The following DCAKD variants were observed in gnomAD, a reference collection of about 807,000 sequenced individuals.
DCAKD encodes the protein dephospho-CoA kinase domain-containing protein.
Under a neutral mutation model 18.7 loss-of-function variants are expected in DCAKD, and 15 were observed. That is an observed-to-expected ratio of 0.80 (90% confidence interval 0.54 to 1.24). The LOEUF (loss-of-function observed/expected upper bound fraction) is 1.24, where lower values mean the gene tolerates loss of function less well. DCAKD is among the 50% of genes most tolerant of loss of function. DCAKD has a pLI of 0.00. For missense variants in DCAKD, 301 were observed against 322.0 expected, an observed-to-expected ratio of 0.93 and a Z score of 0.50; for synonymous variants, 130 against 133.0, an observed-to-expected ratio of 0.98 and a Z score of 0.16.
chr17:45,059,949 C>T (rs536326073), intron 1 of DCAKD, among the ~76,000 whole-genome samples: 2 of 151,794 alleles, frequency 1.3e-5, no homozygotes, highest in East Asian at 3.9e-4. Flanking sequence ...ACTAAAAATA[C>T]AAAAATTAGC....
At chr17:45,028,971 C>T (rs1294858619) in intron 4 of DCAKD, among the ~76,000 whole-genome samples, 4 of 152,224 alleles carry the variant, frequency 2.6e-5, no homozygotes, top group Admixed American at 6.5e-5. Context: ...TCCCAAAGTG[C>T]TGGGATTACA....
chr17:45,050,186 A>G (rs979905559), intron 1 of DCAKD, among the ~76,000 whole-genome samples: 9 of 151,806 alleles, frequency 5.9e-5, no homozygotes, highest in Non-Finnish European at 1.2e-4. Flanking sequence ...GACTACAGGC[A>G]TGCACCACCA....
intron 1 of DCAKD, among the ~76,000 whole-genome samples, chr17:45,049,885 A>C (rs2053654477): frequency 6.6e-6 from 1 of 151,516 alleles, no homozygotes; most frequent in Non-Finnish European, 1.5e-5. Flanking sequence ...ACACCCAGCT[A>C]ATTTTTTTGT....
chr17:45,034,588 G>T (rs2143236165), intron 2 of DCAKD, among the ~76,000 whole-genome samples, 186 bp downstream of exon 2: 1 of 152,282 alleles, frequency 6.6e-6, no homozygotes, highest in East Asian at 1.9e-4. Context: ...GGGTACAGCT[G>T]GGGGGTTTCT....
intron 3 of DCAKD, chr17:45,032,068 A>G (rs1325585020): frequency 1.0e-6 from 1 of 985,270 alleles, no homozygotes; most frequent in Non-Finnish European, 1.2e-6. Context: ...CCGATGTTTA[A>G]TTTCAGAAGG....
At chr17:45,046,259 T>G (rs2053563913) in intron 1 of DCAKD, among the ~76,000 whole-genome samples, 1 of 152,142 alleles carries the variant, frequency 6.6e-6, no homozygotes, top group East Asian at 1.9e-4. Flanking sequence ...AAGGTGAGCT[T>G]CCCAGCAGGC....
intron 3 of DCAKD, among the ~76,000 whole-genome samples, chr17:45,032,809 C>T (rs769468227): frequency 2.0e-5 from 3 of 152,022 alleles, no homozygotes; most frequent in Non-Finnish European, 4.4e-5. Context: ...CCCCTATACC[C>T]TCGTGGAAGG....
intron 4 of DCAKD, 149 bp downstream of exon 4, chr17:45,029,943 T>A (rs117744326): frequency 0.012 from 8,740 of 702,800 alleles, 93 homozygotes; most frequent in Middle Eastern, 0.017. Flanking sequence ...GGCACAAAGG[T>A]TGGTTTCTAC....
rs200570991 is a variant in DCAKD at position 45,034,918 on chromosome 17, G to C, written c.-33C>G. The C allele has an allele frequency of 6.2e-7, 1 of 1,607,604 alleles. No homozygotes were observed. Among genetic ancestry groups the C allele is most frequent in the Non-Finnish European group, 8.5e-7 (1 of 1,175,140 alleles). On this transcript the variant is annotated 5_prime_UTR_variant, in exon 2 of 5. Transcript: ENST00000651974. ...GAAAGAGAGCTGTCCGCGAGACTAC[G>C]GAGCCAGGAGCTACAGAATCACTGG...
chr17:45,034,039 G>A (rs773300054), intron 3 of DCAKD, 148 bp downstream of exon 3: 1 of 1,597,442 alleles, frequency 6.3e-7, no homozygotes. Context: ...GCTGGTACGG[G>A]GCTCTGTGTG....
chr17:45,031,512 C>T, intron 3 of DCAKD: 1 of 981,344 alleles, frequency 1.0e-6, no homozygotes, highest in Non-Finnish European at 1.2e-6. Context: ...AGTACTACTC[C>T]TTCACCAGTC....
At chr17:45,059,870 CCGAAATGGGCAGATCA>C (rs769490929) in intron 1 of DCAKD, among the ~76,000 whole-genome samples, 28 of 152,148 alleles carry the variant, frequency 1.8e-4, no homozygotes, top group South Asian at 1.0e-3. Context: ...CTTTGGGAGG[CCGAAATGGGCAGATCA>C]CGAGGTCAGG....
At chr17:45,053,188 A>C (rs1351820611), upstream of DCAKD, among the ~76,000 whole-genome samples, 7 of 136,450 alleles carry the variant, frequency 5.1e-5, no homozygotes, top group Admixed American at 1.5e-4. Flanking sequence ...AAAAAAAAAA[A>C]AAAAAAAACT....
At chr17:45,026,635 G>A (rs1038497533) in intron 4 of DCAKD, 5 of 985,272 alleles carry the variant, frequency 5.1e-6, no homozygotes, top group Non-Finnish European at 6.0e-6. Context: ...TCCCTTCTTA[G>A]GGATTCTGGG....
At chr17:45,031,651 A>G (rs2053172853) in intron 3 of DCAKD, 1 of 985,130 alleles carries the variant, frequency 1.0e-6, no homozygotes. Flanking sequence ...TTTCCTGTTC[A>G]GCTCCCATCA....
intron 1 of DCAKD, among the ~76,000 whole-genome samples, chr17:45,059,536 A>C (rs1036919767): frequency 2.6e-5 from 4 of 152,246 alleles, no homozygotes; most frequent in African/African-American, 9.6e-5. Flanking sequence ...AGTGAGACTC[A>C]GGGACTGAAA....
At chr17:45,031,448 C>T in intron 3 of DCAKD, 1 of 948,860 alleles carries the variant, frequency 1.1e-6, no homozygotes, top group Non-Finnish European at 1.3e-6. Context: ...AGAATACCTA[C>T]TTCACAGGAT....
chr17:45,034,011 G>A (rs778917710), intron 3 of DCAKD, 176 bp downstream of exon 3: 16 of 1,595,040 alleles, frequency 1.0e-5, no homozygotes, highest in Admixed American at 5.0e-5. Context: ...CTGAGGGAAC[G>A]TGCTTCTTTC....
intron 1 of DCAKD, among the ~76,000 whole-genome samples, chr17:45,047,260 T>C (rs1167425337): frequency 1.3e-5 from 2 of 151,696 alleles, no homozygotes; most frequent in South Asian, 2.1e-4. Context: ...CATGGATAGA[T>C]ACATGAGGTT....
Sources: allele counts gnomAD v4.1 joint callset (sites outside exome capture counted in the v4.1 genomes callset), GRCh38; gene constraint gnomAD v4.1.1; transcripts MANE v1.5; gene names NCBI Gene and HGNC (gene_info 2026-07-23, HGNC 2026-07-21).